Variants in TBL1X observed in about 807,000 individuals in gnomAD.
The protein encoded by TBL1X is F-box-like/WD repeat-containing protein TBL1X.
TBL1X carries 10 observed loss-of-function variants against 50.7 expected under a neutral mutation model. The ratio of observed to expected loss-of-function variants is 0.20; its 90% confidence interval spans 0.12 to 0.33. The LOEUF (loss-of-function observed/expected upper bound fraction) is 0.33. Among genes scored for constraint, TBL1X ranks in the 10% least tolerant of loss-of-function variants. TBL1X has a pLI of 1.00. For synonymous variants in TBL1X, 190 were observed against 214.7 expected (o/e 0.88, Z 1.01); for missense variants, 340 against 504.4 (o/e 0.67, Z 3.12).
At chrX:9,677,861 C>G (rs2083003790) in intron 5 of TBL1X, among the ~76,000 whole-genome samples, 1 of 111,873 alleles carries the variant, frequency 8.9e-6, no homozygotes, top group Non-Finnish European at 1.9e-5. Context: ...TGAAAGGGAC[C>G]TTGTAGATCA....
chrX:9,706,585 C>T (rs1449570988), intron 13 of TBL1X, among the ~76,000 whole-genome samples: 1 of 111,030 alleles, frequency 9.0e-6, no homozygotes, highest in African/African-American at 3.3e-5. Flanking sequence ...CCATTATATA[C>T]CAGGGAACAA....
rs144754383 is a variant in TBL1X at position 9,599,438 on chromosome X, C to T, written c.-130-40835C>T. Among the ~76,000 whole-genome samples, 868 of 112,202 alleles carry T rather than the reference C, an allele frequency of 7.7e-3. 5 individuals are homozygous for T. The highest frequency in any genetic ancestry group is 0.057 in the South Asian group (152 of 2,663). ...AATTAAAAGGTTCTGCTTTCATTGC[C>T]GCCAGGTTGGGAAAAGTTGCCAGGG... On this transcript the variant is annotated intron_variant, in intron 2 of 17. Coordinates refer to ENST00000645353, the MANE Select transcript of TBL1X (RefSeq NM_005647.4).
At chrX:9,591,697 C>T (rs2082501020) in intron 2 of TBL1X, among the ~76,000 whole-genome samples, 1 of 111,538 alleles carries the variant, frequency 9.0e-6, no homozygotes, top group Non-Finnish European at 1.9e-5. Context: ...CTGCACCAGC[C>T]TTCCAGAGCT....
rs199965867 is a variant in TBL1X at position 9,634,514 on chromosome X, C to CTAT, written c.-130-5745_-130-5743dup. On this transcript the variant is annotated intron_variant, in intron 2 of 17. Transcript: ENST00000645353. ...GTAACAGGTACAATATACATGTTAG[C>CTAT]TATTATTATTATTATTTAATAGAGA... Among the ~76,000 whole-genome samples, 438 of 111,075 alleles carry CTAT rather than the reference C, an allele frequency of 3.9e-3. 2 individuals carry two copies. Among genetic ancestry groups the CTAT allele is most frequent in the African/African-American group, 0.014 (413 of 30,470 alleles).
intron 5 of TBL1X, among the ~76,000 whole-genome samples, chrX:9,659,780 G>A (rs1355664203): frequency 3.6e-5 from 4 of 111,842 alleles, no homozygotes; most frequent in East Asian, 2.8e-4. Context: ...TCTGCCTGTC[G>A]CACAAGGCAT....
At position 9,706,745 on chromosome X, in the gene TBL1X, C is replaced by T. The variant is rs144213783; in HGVS notation, c.1236+1631C>T. On this transcript the variant is annotated intron_variant, in intron 13 of 17. Transcript: ENST00000645353. ...TCTGCTGGTAAACCCATTTACTAGCCTCGACCTCCTGGGCTAGTGTCCAAA... is the reference window on the plus strand; with the variant it reads ...TCTGCTGGTAAACCCATTTACTAGCTTCGACCTCCTGGGCTAGTGTCCAAA... Among the ~76,000 whole-genome samples the T allele has an allele frequency of 2.1e-3, 233 of 111,518 alleles. 1 individual carries two copies. Among genetic ancestry groups the T allele is most frequent in the African/African-American group, 7.2e-3 (220 of 30,699 alleles).
chrX:9,648,568 A>G (rs893144630), intron 3 of TBL1X, among the ~76,000 whole-genome samples: 6 of 112,022 alleles, frequency 5.4e-5, no homozygotes, highest in Middle Eastern at 4.6e-3. Context: ...TTCTTCCAAA[A>G]TCGTGGGTCT....
At chrX:9,570,929 G>A (rs1476055232) in intron 2 of TBL1X, among the ~76,000 whole-genome samples, 5 of 111,044 alleles carry the variant, frequency 4.5e-5, no homozygotes, top group East Asian at 2.8e-4. Flanking sequence ...TGCCCGCCTC[G>A]GCCTCCCAAA....
intron 15 of TBL1X, among the ~76,000 whole-genome samples, chrX:9,711,107 T>C (rs1344715728): frequency 9.0e-6 from 1 of 111,053 alleles, no homozygotes; most frequent in Non-Finnish European, 1.9e-5. Flanking sequence ...TTTGGTAGGG[T>C]GAGGCAGGAG....
At chrX:9,598,912 TTTTTTTGTTTTG>T (rs1224477935) in intron 2 of TBL1X, among the ~76,000 whole-genome samples, 70 of 89,618 alleles carry the variant, frequency 7.8e-4, no homozygotes, top group African/African-American at 2.7e-3. Flanking sequence ...CCCTACCTTT[TTTTTTTGTTTTG>T]TTTTGTTTTG....
In TBL1X at chrX:9,667,256, GT is replaced by G. The variant is rs762146773; in HGVS notation, c.211+12936del. ...AGCCTGGGTGACAGAGCGAGACTCC[GT>G]TCCCCCCTACCCCCAAAAAGAACAA... On this transcript the variant is annotated intron_variant, in intron 5 of 17. Coordinates refer to ENST00000645353, the MANE Select transcript of TBL1X (RefSeq NM_005647.4). 5.4e-5 allele frequency among the ~76,000 whole-genome samples: 6 copies of G among 111,586 alleles called. No homozygotes were observed. In the East Asian group the frequency reaches 1.1e-3, roughly 21 times the overall value.
chrX:9,549,864 G>A, intron 2 of TBL1X, among the ~76,000 whole-genome samples: 1 of 111,691 alleles, frequency 9.0e-6, no homozygotes, highest in East Asian at 2.8e-4. Flanking sequence ...TCTGGACTTA[G>A]TAGCTCAGAG....
rs1165216923 is a variant in TBL1X, at chrX:9,717,187, AG to A, written c.*947del. The A allele has an allele frequency of 9.9e-6, 1 of 101,134 alleles. No individual in the cohort carries two copies. Among genetic ancestry groups the A allele is most frequent in the Admixed American group, 1.2e-4 (1 of 8,637 alleles). The allele number at this position is 101,134 out of a possible 1,213,427, so 8.3% of individuals were successfully genotyped here. On this transcript the variant is annotated 3_prime_UTR_variant, in exon 18 of 18. Transcript: ENST00000645353. ...AGTGCTTTATGTAAGAAGGCAGGGC[AG>A]GGGGGCTTTTTACAGGAGAAAAAAA...
At chrX:9,537,368 A>G (rs957315696) in intron 2 of TBL1X, among the ~76,000 whole-genome samples, 1 of 109,427 alleles carries the variant, frequency 9.1e-6, no homozygotes, top group Non-Finnish European at 1.9e-5. Context: ...ATTTCTAAGT[A>G]CACTGTTCAA....
chrX:9,484,667 A>G (rs2081901607), intron 1 of TBL1X, among the ~76,000 whole-genome samples: 1 of 110,154 alleles, frequency 9.1e-6, no homozygotes, highest in East Asian at 2.9e-4. Context: ...CCAGTTGTTG[A>G]ATGTTTGGGT....
intron 2 of TBL1X, among the ~76,000 whole-genome samples, chrX:9,569,348 C>CTG (rs1175094979): frequency 3.9e-4 from 35 of 90,655 alleles, no homozygotes; most frequent in African/African-American, 5.5e-4. Context: ...GTGCAGTGTG[C>CTG]TGTGTGTGTG....
chrX:9,711,885 C>T, intron 16 of TBL1X, 109 bp downstream of exon 16: 2 of 909,387 alleles, frequency 2.2e-6, no homozygotes, highest in Non-Finnish European at 2.9e-6. Flanking sequence ...TGAGCAAGCT[C>T]AGGCTCCCCG....
intron 16 of TBL1X, 112 bp downstream of exon 16, chrX:9,711,888 G>C (rs1276466981): frequency 1.2e-6 from 1 of 865,753 alleles, no homozygotes. Flanking sequence ...GCAAGCTCAG[G>C]CTCCCCGGGC....
intron 2 of TBL1X, among the ~76,000 whole-genome samples, chrX:9,609,849 T>C (rs751867190): frequency 4.4e-5 from 5 of 112,523 alleles, no homozygotes; most frequent in African/African-American, 1.3e-4. Context: ...TTGATCACAT[T>C]TGTCAGCTAT....
Sources: allele counts gnomAD v4.1 joint callset (sites outside exome capture counted in the v4.1 genomes callset), GRCh38; gene constraint gnomAD v4.1.1; transcripts MANE v1.5; gene names NCBI Gene and HGNC (gene_info 2026-07-23, HGNC 2026-07-21).